NUP98: variants seen among roughly 807,000 people sequenced by gnomAD.
The protein encoded by NUP98 is nucleoporin 98 and 96 precursor.
In NUP98, 26 loss-of-function variants were observed where a neutral mutation model predicts 191.9. The ratio of observed to expected loss-of-function variants is 0.14; its 90% CI spans 0.10 to 0.19. NUP98 has a LOEUF of 0.19. Among genes scored for constraint, NUP98 ranks in the 10% least tolerant of loss-of-function variants. NUP98 has a pLI of 1.00. For missense variants in NUP98, 1,941 were observed against 2,178.8 expected, an observed-to-expected ratio of 0.89 and a Z score of 2.17; for synonymous variants, 808 against 778.4, an observed-to-expected ratio of 1.04 and a Z score of -0.63.
chr11:3,774,085 C>T lies in NUP98; in HGVS notation c.496-346G>A, dbSNP rs181683107. Among the ~76,000 whole-genome samples, 47 of 152,150 alleles carry T rather than the reference C, an allele frequency of 3.1e-4. 1 individual carries two copies. In the East Asian group the frequency reaches 6.8e-3, roughly 22 times the overall value. Reference sequence around the variant, plus strand: ...TATATCTAAGTTCTCCTTTCTACTCCGCCCTGTAATGCTGCATTAAAAAAA... The same window carrying T: ...TATATCTAAGTTCTCCTTTCTACTCTGCCCTGTAATGCTGCATTAAAAAAA... On this transcript the variant is annotated intron_variant, in intron 5 of 32. Transcript: ENST00000324932.
intron 1 of NUP98, among the ~76,000 whole-genome samples, chr11:3,787,522 G>A (rs1708181423): frequency 6.6e-6 from 1 of 152,160 alleles, no homozygotes; most frequent in Admixed American, 6.5e-5. Flanking sequence ...GGCAGAGGTT[G>A]CAGTGAGCCA....
chr11:3,746,140 C>T (rs374258643), intron 11 of NUP98, among the ~76,000 whole-genome samples: 3 of 151,740 alleles, frequency 2.0e-5, no homozygotes, highest in Non-Finnish European at 2.9e-5. Flanking sequence ...TGTGGTGGCA[C>T]ATGCCTGTAA....
At chr11:3,785,295 T>C (rs2082105077) in intron 1 of NUP98, among the ~76,000 whole-genome samples, 1 of 152,060 alleles carries the variant, frequency 6.6e-6, no homozygotes, top group Non-Finnish European at 1.5e-5. Context: ...AGGCTGAAGC[T>C]TAGTAGCAAT....
At chr11:3,795,714 T>C (rs912506532) in intron 1 of NUP98, among the ~76,000 whole-genome samples, 1 of 152,118 alleles carries the variant, frequency 6.6e-6, no homozygotes, top group Non-Finnish European at 1.5e-5. Context: ...GTGCTATAAA[T>C]AGAAATATCA....
In NUP98 at chr11:3,784,326, A is replaced by G. The variant is rs184004272; in HGVS notation, c.-28-2181T>C. On this transcript the variant is annotated intron_variant, in intron 1 of 32. Coordinates refer to ENST00000324932, the MANE Select transcript of NUP98 (RefSeq NM_016320.5). ...ATTCTCTCTCCTGAAATTTCCTAGG[A>G]AAAAAAATCAAATACTTAAGTTCTT... Among the ~76,000 whole-genome samples, 486 of 143,924 alleles carry G rather than the reference A, an allele frequency of 3.4e-3. 4 individuals are homozygous for G. Among genetic ancestry groups the G allele is most frequent in the African/African-American group, 0.013 (461 of 35,530 alleles). 94.4% of individuals were successfully genotyped at this position (143,924 alleles called of 152,430 possible).
At chr11:3,692,830 C>G (rs970802048) in intron 27 of NUP98, among the ~76,000 whole-genome samples, 1 of 152,238 alleles carries the variant, frequency 6.6e-6, no homozygotes, top group South Asian at 2.1e-4. Context: ...AAAATATGAA[C>G]AGTAAGATAA....
At chr11:3,783,391 A>C (rs907220700) in intron 1 of NUP98, among the ~76,000 whole-genome samples, 1 of 152,082 alleles carries the variant, frequency 6.6e-6, no homozygotes, top group Non-Finnish European at 1.5e-5. Flanking sequence ...ATGTCTCAAA[A>C]ACAAATAAAA....
chr11:3,771,960 A>C (rs2081546063), intron 6 of NUP98, 32 bp from the exon 7 acceptor site: 1 of 1,573,838 alleles, frequency 6.4e-7, no homozygotes, highest in Admixed American at 1.7e-5. Context: ...TTCTAATCTT[A>C]ACATGCAGCT....
At chr11:3,724,975 T>C (rs1200101055) in intron 15 of NUP98, 128 bp downstream of exon 15, 2 of 529,702 alleles carry the variant, frequency 3.8e-6, no homozygotes, top group Non-Finnish European at 6.7e-6. Context: ...TTCTAGGCGC[T>C]CATAAGCTTG....
At chr11:3,725,618 T>C (rs975611338) in intron 14 of NUP98, among the ~76,000 whole-genome samples, 2 of 152,338 alleles carry the variant, frequency 1.3e-5, no homozygotes, top group East Asian at 1.9e-4. Flanking sequence ...TGTCTCACCA[T>C]AGAACTCATA....
chr11:3,735,124 T>C, intron 13 of NUP98, 67 bp downstream of exon 13: 1 of 1,428,466 alleles, frequency 7.0e-7, no homozygotes, highest in Non-Finnish European at 9.3e-7. Flanking sequence ...AGGCAAAAAA[T>C]TACATTCTGC....
intron 11 of NUP98, among the ~76,000 whole-genome samples, chr11:3,751,140 C>T (rs562918649): frequency 2.0e-5 from 3 of 152,228 alleles, no homozygotes; most frequent in East Asian, 3.9e-4. Flanking sequence ...GGGCAGATCA[C>T]CTGAGGTCAG....
chr11:3,793,372 C>T (rs2082419236), intron 1 of NUP98, among the ~76,000 whole-genome samples: 1 of 152,024 alleles, frequency 6.6e-6, no homozygotes, highest in Non-Finnish European at 1.5e-5. Context: ...TCACTGCAAC[C>T]TCTGCCTCCT....
intron 1 of NUP98, among the ~76,000 whole-genome samples, chr11:3,791,508 T>C (rs1589987727): frequency 1.9e-5 from 2 of 104,036 alleles, no homozygotes; most frequent in Middle Eastern, 0.01. Flanking sequence ...TACTCCAGCC[T>C]GGGGGAAAGA....
At chr11:3,704,378 AAAGAG>A (rs1286890435) in intron 22 of NUP98, among the ~76,000 whole-genome samples, 41 of 152,358 alleles carry the variant, frequency 2.7e-4, no homozygotes, top group African/African-American at 9.6e-4. Flanking sequence ...GCCCACTAGA[AAAGAG>A]AAAACTTTAA....
intron 28 of NUP98, among the ~76,000 whole-genome samples, chr11:3,688,785 A>ACT (rs71041371): frequency 0.23 from 33,099 of 145,134 alleles, 3,915 homozygotes; most frequent in Middle Eastern, 0.28. Context: ...ACAGAGAGAG[A>ACT]CTGTCTCGAA....
rs765228557 is a variant in NUP98, at chr11:3,720,811, T to C, written c.2161A>G (p.Lys721Glu). The C allele has an allele frequency of 7.4e-7, 1 of 1,352,298 alleles. No homozygotes were observed. The highest frequency in any genetic ancestry group is 2.4e-5 in the East Asian group (1 of 42,442). The allele number at this position is 1,352,298 out of a possible 1,614,324, so 83.8% of individuals were successfully genotyped here. A position where few individuals can be genotyped will look rare whatever the true frequency, so the allele number is the denominator to read the frequency against. ...HMHPAGIILTKVGYYTIPSMD... is the reference protein window; with the variant it reads ...HMHPAGIILTEVGYYTIPSMD... ...GATGGAATAGTATAGTAACCAACCT[T>C]AGTGAGAATAATACCTGTGACAAAA... Residue 721 changes from lysine to glutamate, a missense_variant, in exon 17 of 33, where the codon AAG becomes GAG. Physicochemically the swap from Lys to Glu is moderately conservative, Grantham distance 56. Transcript: ENST00000324932.
intron 11 of NUP98, among the ~76,000 whole-genome samples, chr11:3,748,516 A>G (rs984728782): frequency 6.6e-5 from 10 of 152,178 alleles, no homozygotes; most frequent in Non-Finnish European, 8.8e-5. Flanking sequence ...GCAAGAGTCC[A>G]TCTTGGAAAA....
intron 27 of NUP98, among the ~76,000 whole-genome samples, chr11:3,692,689 T>G (rs768817462): frequency 6.6e-6 from 1 of 152,224 alleles, no homozygotes; most frequent in Non-Finnish European, 1.5e-5. Flanking sequence ...TTCAATGGAC[T>G]GGTAAAGATT....
Sources: gnomAD v4.1 joint callset for allele counts (sites outside exome capture counted in the v4.1 genomes callset) on GRCh38, gnomAD v4.1.1 for gene constraint, MANE v1.5 for transcripts, NCBI Gene and HGNC (gene_info 2026-07-23, HGNC 2026-07-21) for gene names.